FBXO40: variants seen among roughly 807,000 people sequenced by gnomAD.
FBXO40 encodes the protein F-box only protein 40.
A neutral mutation model predicts 49.9 loss-of-function variants in FBXO40; 50 were observed. That is an observed-to-expected ratio of 1.00 (90% confidence interval 0.80 to 1.27). The LOEUF (loss-of-function observed/expected upper bound fraction) is 1.27. FBXO40 is among the 50% of genes most tolerant of loss of function. The pLI is 0.00. For synonymous variants in FBXO40, 340 were observed against 320.2 expected, an observed-to-expected ratio of 1.06 and a Z score of -0.66; for missense variants, 895 against 870.1, an observed-to-expected ratio of 1.03 and a Z score of -0.36.
Position 121,620,479 on chromosome 3 carries a change from G to A in FBXO40, c.-30-67G>A, listed in dbSNP as rs2049024193. Reference sequence around the variant, plus strand: ...TGAGATAGTGTGTGAAGTCTCTTTAGCCTCTATTAATATAGGTAACCTAAC... The same window carrying A: ...TGAGATAGTGTGTGAAGTCTCTTTAACCTCTATTAATATAGGTAACCTAAC... On this transcript the variant is annotated intron_variant, in intron 1 of 3. Coordinates refer to ENST00000338040, the MANE Select transcript of FBXO40 (RefSeq NM_016298.4). 4 of 1,409,140 alleles carry A rather than the reference G, an allele frequency of 2.8e-6. No homozygotes were observed. In the South Asian group the frequency reaches 3.5e-5, roughly 12 times the overall value. The allele number at this position is 1,409,140 out of a possible 1,614,324, so 87.3% of individuals were successfully genotyped here.
Position 121,629,978 on chromosome 3 carries a change from A to G in FBXO40, c.*3068A>G, listed in dbSNP as rs927399142. The G allele has an allele frequency of 2.6e-5, 4 of 152,266 alleles. No individual in the cohort carries two copies. The highest frequency in any genetic ancestry group is 7.2e-5 in the African/African-American group (3 of 41,470). The allele number at this position is 152,266 out of a possible 1,614,324, so 9.4% of individuals were successfully genotyped here. ...GAGCCCTTGGTGAGTATCATCACCA[A>G]GAAAGGCAGTCCAGAGTAGAGATCA... On this transcript the variant is annotated 3_prime_UTR_variant, in exon 4 of 4. Coordinates refer to ENST00000338040, the MANE Select transcript of FBXO40 (RefSeq NM_016298.4).
intron 1 of FBXO40, among the ~76,000 whole-genome samples, chr3:121,597,507 A>G (rs553381149): frequency 3.3e-5 from 5 of 152,232 alleles, no homozygotes; most frequent in Admixed American, 6.5e-5. Flanking sequence ...AAGACCAGAC[A>G]TGGCTACAGG....
rs570140166 is a variant in FBXO40, at chr3:121,594,913, A to G, written c.-31+1411A>G. Among the ~76,000 whole-genome samples the G allele has an allele frequency of 2.0e-5, 3 of 152,330 alleles. No individual in the cohort carries two copies. The South Asian group carries it at 6.2e-4, about 32-fold the overall frequency. ...TCAAAAGTTATAACTTTAGACAGAT[A>G]GTTTCTCGCTTCTGGAATAACTGTA... On this transcript the variant is annotated intron_variant, in intron 1 of 3. Transcript: ENST00000338040.
intron 3 of FBXO40, among the ~76,000 whole-genome samples, chr3:121,626,209 T>C (rs2049060882): frequency 6.6e-6 from 1 of 152,064 alleles, no homozygotes; most frequent in Non-Finnish European, 1.5e-5. Context: ...TACCTCTACT[T>C]CCTCAATAAT....
intron 1 of FBXO40, among the ~76,000 whole-genome samples, chr3:121,617,956 G>A (rs992952309): frequency 3.3e-5 from 5 of 152,108 alleles, no homozygotes; most frequent in African/African-American, 9.7e-5. Flanking sequence ...GCTGTGATGT[G>A]CCACTGCACT....
At chr3:121,617,996 C>CA (rs139804181) in intron 1 of FBXO40, among the ~76,000 whole-genome samples, 18 of 150,968 alleles carry the variant, frequency 1.2e-4, no homozygotes, top group African/African-American at 4.1e-4. Context: ...AAGGCTCTGT[C>CA]AAAAAAAAGC....
rs1015550336 is a variant in FBXO40 at position 121,622,961 on chromosome 3, G to T, written c.1532G>T (p.Cys511Phe). The T allele has an allele frequency of 6.2e-7, 1 of 1,614,052 alleles. No homozygotes were observed. Among genetic ancestry groups the T allele is most frequent in the African/African-American group, 1.3e-5 (1 of 74,922 alleles). ...CTCAATGGCTGGTTCCAGCATCGAT[G>T]CCCCCTCGCCTACTTGGGATGTACA... ...SCLNGWFQHR[C>F]PLAYLGCTFV... is the part of the protein sequence containing the mutation. The change falls in exon 3 of 4, where the codon TGC (cysteine) becomes TTC (phenylalanine). Residue 511 changes from cysteine to phenylalanine, a missense_variant. Cys to Phe is a radical substitution (Grantham distance 205, BLOSUM62 -2). Transcript: ENST00000338040.
intron 1 of FBXO40, among the ~76,000 whole-genome samples, chr3:121,601,110 G>GT (rs796618545): frequency 3.3e-5 from 5 of 152,284 alleles, no homozygotes; most frequent in African/African-American, 1.2e-4. Context: ...AACCAGGAGA[G>GT]TCCTAGGCAA....
At chr3:121,620,704 A>G (rs2049025620) in intron 2 of FBXO40, 126 bp downstream of exon 2, 4 of 1,177,204 alleles carry the variant, frequency 3.4e-6, no homozygotes, top group Non-Finnish European at 5.0e-6. Flanking sequence ...ACTTTTTTCC[A>G]AACTAGAGAT....
At chr3:121,607,798 G>A (rs2048940017) in intron 1 of FBXO40, among the ~76,000 whole-genome samples, 1 of 152,126 alleles carries the variant, frequency 6.6e-6, no homozygotes, top group African/African-American at 2.4e-5. Context: ...GCAATGGCTG[G>A]CTGCTTGGGT....
chr3:121,622,920 AGACATTCAGTCAT>A lies in FBXO40; in HGVS notation c.1493_1505del (p.Asp498ValfsTer33). 6.2e-7 allele frequency: 1 copy of A among 1,614,224 alleles called. No individual in the cohort carries two copies. Among genetic ancestry groups the A allele is most frequent in the South Asian group, 1.1e-5 (1 of 91,084 alleles). On this transcript the variant is annotated frameshift_variant, in exon 3 of 4. Coordinates refer to ENST00000338040, the MANE Select transcript of FBXO40 (RefSeq NM_016298.4). LOFTEE classifies it high-confidence loss of function. Reference sequence around the variant, plus strand: ...CCCTGCACTTCAAGAATGTCCACACAGACATTCAGTCATGTCTCAATGGCTGGTTCCAGCATCG... The same window carrying A: ...CCCTGCACTTCAAGAATGTCCACACAGTCTCAATGGCTGGTTCCAGCATCG...
chr3:121,603,340 T>C (rs1365763731), intron 1 of FBXO40, among the ~76,000 whole-genome samples: 2 of 152,230 alleles, frequency 1.3e-5, no homozygotes, highest in African/African-American at 4.8e-5. Context: ...GCACTCCATC[T>C]TTTGTTAGTG....
chr3:121,601,767 A>G (rs2048902356), intron 1 of FBXO40, among the ~76,000 whole-genome samples: 1 of 152,232 alleles, frequency 6.6e-6, no homozygotes, highest in Non-Finnish European at 1.5e-5. Flanking sequence ...TTCACAGAGC[A>G]TTATTCCATT....
chr3:121,623,210 C>T lies in FBXO40; in HGVS notation c.1781C>T (p.Ala594Val). 6.2e-7 allele frequency: 1 copy of T among 1,614,162 alleles called. No individual in the cohort carries two copies. Among genetic ancestry groups the T allele is most frequent in the Non-Finnish European group, 8.5e-7 (1 of 1,180,014 alleles). ...IAGFLDSVSL[A>V]QLSQVSVLMR... ...GGGTTCTTGGACAGCGTCAGCCTGG[C>T]CCAGCTCTCCCAGGTGTCTGTGCTG... The change falls in exon 3 of 4, where the codon GCC becomes GTC. Residue 594 changes from alanine to valine, a missense_variant. By Grantham distance (64) the Ala-to-Val change is moderately conservative (BLOSUM62 0). Transcript: ENST00000338040.
intron 3 of FBXO40, among the ~76,000 whole-genome samples, chr3:121,625,477 ACT>A (rs1384351529): frequency 6.6e-6 from 1 of 152,040 alleles, no homozygotes; most frequent in African/African-American, 2.4e-5. Context: ...TAATTACAAG[ACT>A]CTCTCTCTTG....
At chr3:121,612,939 G>A (rs1027362797) in intron 1 of FBXO40, among the ~76,000 whole-genome samples, 55 of 152,050 alleles carry the variant, frequency 3.6e-4, no homozygotes, top group Admixed American at 1.2e-3. Flanking sequence ...GCATGGTGGC[G>A]GGTGCCTGCA....
chr3:121,620,491 A>G, intron 1 of FBXO40, 55 bp from the exon 2 acceptor site: 3 of 1,515,250 alleles, frequency 2.0e-6, no homozygotes, highest in South Asian at 1.1e-5. Context: ...CTCTATTAAT[A>G]TAGGTAACCT....
At chr3:121,608,109 G>T (rs913382284) in intron 1 of FBXO40, among the ~76,000 whole-genome samples, 7 of 152,312 alleles carry the variant, frequency 4.6e-5, no homozygotes, top group African/African-American at 1.7e-4. Context: ...GCGTTAACTG[G>T]CTCTTTTAGT....
At chr3:121,621,321 C>G (rs1162100811) in intron 2 of FBXO40, 112 bp from the exon 3 acceptor site, 5 of 915,926 alleles carry the variant, frequency 5.5e-6, no homozygotes, top group Non-Finnish European at 8.3e-6. Context: ...AAGGTTTCTA[C>G]AAAAAGCAGG....
Sources: gnomAD v4.1 joint callset for allele counts (sites outside exome capture counted in the v4.1 genomes callset) on GRCh38, gnomAD v4.1.1 for gene constraint, MANE v1.5 for transcripts, NCBI Gene and HGNC (gene_info 2026-07-23, HGNC 2026-07-21) for gene names.